COL8A1: variants seen among roughly 807,000 people sequenced by gnomAD.
The protein encoded by COL8A1 is collagen alpha-1(VIII) chain.
A neutral mutation model predicts 42.7 loss-of-function variants in COL8A1; 21 were observed. The ratio of observed to expected loss-of-function variants is 0.49; its 90% confidence interval spans 0.35 to 0.71. COL8A1 has a LOEUF of 0.71. Ranked by LOEUF, COL8A1 falls within the 30% of genes least tolerant of loss-of-function variation. The probability of loss-of-function intolerance (pLI) is 0.01; values close to 1 mark genes in which losing one functional copy is unlikely to be tolerated. For synonymous variants in COL8A1, 367 were observed against 369.1 expected (o/e 0.99, Z 0.06); for missense variants, 788 against 962.4 (o/e 0.82, Z 2.40).
intron 1 of COL8A1, among the ~76,000 whole-genome samples, chr3:99,693,216 C>A (rs1283589332): frequency 6.6e-6 from 1 of 152,002 alleles, no homozygotes; most frequent in South Asian, 2.1e-4. Context: ...ACAAAAGTAT[C>A]GCACATGTAA....
intron 1 of COL8A1, among the ~76,000 whole-genome samples, chr3:99,667,850 T>C (rs1938414257): frequency 6.6e-6 from 1 of 152,092 alleles, no homozygotes; most frequent in South Asian, 2.1e-4. Context: ...AAATAACAAA[T>C]ATTCAGTATC....
chr3:99,777,706 G>A (rs1158336653), intron 2 of COL8A1, among the ~76,000 whole-genome samples: 6 of 152,202 alleles, frequency 3.9e-5, no homozygotes, highest in Non-Finnish European at 2.9e-5. Flanking sequence ...CTCTTGGAGT[G>A]TAACTGTTTC....
chr3:99,647,619 C>T lies in COL8A1; in HGVS notation c.-129+8955C>T, dbSNP rs538945883. On this transcript the variant is annotated intron_variant, in intron 1 of 3. Coordinates refer to ENST00000652472, the MANE Select transcript of COL8A1 (RefSeq NM_020351.4). ...ATAGAGAGAAGCGGCCAACAATGAG[C>T]AATAAGTTCAATAAACAAGGAGCCT... is the stretch of plus-strand genomic sequence containing the variant. Among the ~76,000 whole-genome samples the T allele has an allele frequency of 1.1e-3, 160 of 152,216 alleles. 3 individuals carry two copies. Among genetic ancestry groups the T allele is most frequent in the Middle Eastern group, 0.01 (3 of 294 alleles).
At chr3:99,717,176 T>C (rs1406029838) in intron 1 of COL8A1, among the ~76,000 whole-genome samples, 1 of 152,042 alleles carries the variant, frequency 6.6e-6, no homozygotes, top group Admixed American at 6.6e-5. Context: ...TAGAAGATAA[T>C]ATTTATATGA....
intron 1 of COL8A1, among the ~76,000 whole-genome samples, chr3:99,697,369 G>A (rs995003807): frequency 1.1e-4 from 16 of 152,270 alleles, no homozygotes; most frequent in South Asian, 2.1e-4. Flanking sequence ...TATTAAAGGC[G>A]TAGCTGCTAC....
At chr3:99,663,245 A>G (rs1576419409) in intron 1 of COL8A1, among the ~76,000 whole-genome samples, 1 of 152,166 alleles carries the variant, frequency 6.6e-6, no homozygotes, top group Non-Finnish European at 1.5e-5. Flanking sequence ...AGCTCACTGC[A>G]GCCTCGAACT....
intron 1 of COL8A1, among the ~76,000 whole-genome samples, chr3:99,669,775 A>G (rs1006415626): frequency 1.3e-5 from 2 of 152,062 alleles, no homozygotes; most frequent in Non-Finnish European, 2.9e-5. Flanking sequence ...GCTATGTCAC[A>G]ACCAGAACCT....
chr3:99,733,115 T>C (rs929363496), intron 1 of COL8A1, among the ~76,000 whole-genome samples: 2 of 141,678 alleles, frequency 1.4e-5, no homozygotes, highest in African/African-American at 5.5e-5. Context: ...TCCCAGCTTT[T>C]TTCTTTTTTT....
At chr3:99,764,701 C>CTTTTTTTTTTTTTTTTTTTTTT (rs10648559) in intron 2 of COL8A1, among the ~76,000 whole-genome samples, 2 of 125,052 alleles carry the variant, frequency 1.6e-5, no homozygotes, top group African/African-American at 3.0e-5. Context: ...TCTTTTTTTT[C>CTTTTTTTTTTTTTTTTTTTTTT]TTTTTTTTTT....
rs745820775 is a variant in COL8A1, at chr3:99,795,324, G to T, written c.1423G>T (p.Val475Phe). Residue 475 changes from valine to phenylalanine, a missense_variant, in exon 4 of 4, where the codon GTT becomes TTT. Around this residue, in one of 4 missense-constraint regions of COL8A1, gnomAD observed 154 missense variants for 182.3 expected, o/e 0.84. Coordinates refer to ENST00000652472, the MANE Select transcript of COL8A1 (RefSeq NM_020351.4). ...GQKGVPGLPG[V>F]PGLLGPKGEP... The stretch of plus-strand genomic sequence containing the variant: ...AAAAGGTGTACCAGGACTCCCTGGT[G>T]TTCCAGGGCTTCTCGGACCTAAGGG... 1.9e-6 allele frequency: 3 copies of T among 1,605,064 alleles called. No homozygotes were observed. The highest frequency in any genetic ancestry group is 2.6e-6 in the Non-Finnish European group (3 of 1,175,626).
At chr3:99,776,913 G>A (rs149727389) in intron 2 of COL8A1, among the ~76,000 whole-genome samples, 1 of 152,152 alleles carries the variant, frequency 6.6e-6, no homozygotes, top group Non-Finnish European at 1.5e-5. Flanking sequence ...CATGGTGCTC[G>A]TGGGAGTGTC....
At chr3:99,755,970 C>A (rs1333121739) in intron 2 of COL8A1, among the ~76,000 whole-genome samples, 2 of 151,982 alleles carry the variant, frequency 1.3e-5, no homozygotes, top group Non-Finnish European at 2.9e-5. Context: ...TCTGGTTTCT[C>A]TGAGGAGATT....
rs1942137807 is a variant in COL8A1 at position 99,798,314 on chromosome 3, A to C, written c.*2178A>C. ...CCTCCACAACCTTTGTTTTCAAAGCAGACAGCATCTATGTGGCCAAATATA... is the reference window on the plus strand; with the variant it reads ...CCTCCACAACCTTTGTTTTCAAAGCCGACAGCATCTATGTGGCCAAATATA... On this transcript the variant is annotated 3_prime_UTR_variant, in exon 4 of 4. Coordinates refer to ENST00000652472, the MANE Select transcript of COL8A1 (RefSeq NM_020351.4). 1.3e-5 allele frequency: 2 copies of C among 152,236 alleles called. No homozygotes were observed. Among genetic ancestry groups the C allele is most frequent in the South Asian group, 4.1e-4 (2 of 4,828 alleles). 9.4% of individuals were successfully genotyped at this position (152,236 alleles called of 1,614,324 possible). A position where few individuals can be genotyped will look rare whatever the true frequency, so the allele number is the denominator to read the frequency against.
chr3:99,697,277 C>A (rs11928640), intron 1 of COL8A1, among the ~76,000 whole-genome samples: 12,315 of 152,154 alleles, frequency 0.081, 698 homozygotes, highest in Non-Finnish European at 0.12. Flanking sequence ...TGAGCCACCG[C>A]GCCCGGCACA....
At chr3:99,743,372 T>G (rs1201095180) in intron 1 of COL8A1, among the ~76,000 whole-genome samples, 1 of 152,218 alleles carries the variant, frequency 6.6e-6, no homozygotes, top group Non-Finnish European at 1.5e-5. Flanking sequence ...TGAGCCAAAG[T>G]GCAGGGTGCT....
rs200812293 is a variant in COL8A1, at chr3:99,790,999, A to G, written c.317A>G (p.Lys106Arg). The G allele has an allele frequency of 1.8e-5, 29 of 1,611,314 alleles. No individual in the cohort carries two copies. The Admixed American group carries it at 1.8e-4, about 10-fold the overall frequency. ...APRMGKEAVP[K>R]KGKEIPLASL... ...AGAATGGGCAAGGAAGCCGTACCCA[A>G]GAAAGGCAAAGGTAACATCATACTC... Residue 106 changes from lysine (K) to arginine (R), a missense_variant, in exon 3 of 4, where the codon AAG (lysine) becomes AGG (arginine). Lys to Arg is a conservative substitution (Grantham distance 26). This residue lies in a region of COL8A1 where 421 missense variants were observed against 553.1 expected (regional missense o/e 0.76). Coordinates refer to ENST00000652472, the MANE Select transcript of COL8A1 (RefSeq NM_020351.4).
In COL8A1 at chr3:99,790,702, C is replaced by T. The variant is rs1194836053; in HGVS notation, c.20C>T (p.Pro7Leu). Reference sequence around the variant, plus strand: ...CAGGTGATGGCTGTGCTGCCTGGCCCTCTGCAGCTGCTGGGAGTGCTGCTT... The same window carrying T: ...CAGGTGATGGCTGTGCTGCCTGGCCTTCTGCAGCTGCTGGGAGTGCTGCTT... MAVLPG[P>L]LQLLGVLLTI... is the part of the protein sequence containing the mutation. The change falls in exon 3 of 4, where the codon CCT (proline) becomes CTT (leucine). Residue 7 changes from proline to leucine, a missense_variant. Around this residue, in one of 4 missense-constraint regions of COL8A1, gnomAD observed 421 missense variants for 553.1 expected, o/e 0.76. Coordinates refer to ENST00000652472, the MANE Select transcript of COL8A1 (RefSeq NM_020351.4). 13 of 1,613,978 alleles carry T rather than the reference C, an allele frequency of 8.1e-6. No individual in the cohort carries two copies. The highest frequency in any genetic ancestry group is 1.7e-5 in the Admixed American group (1 of 60,002).
At chr3:99,684,231 T>C (rs557078368) in intron 1 of COL8A1, among the ~76,000 whole-genome samples, 3 of 152,200 alleles carry the variant, frequency 2.0e-5, no homozygotes, top group Non-Finnish European at 4.4e-5. Context: ...AATGAGCTCC[T>C]CCTGGGTGCC....
intron 1 of COL8A1, among the ~76,000 whole-genome samples, chr3:99,650,281 A>C (rs1383269825): frequency 1.3e-5 from 2 of 152,184 alleles, no homozygotes; most frequent in African/African-American, 4.8e-5. Flanking sequence ...CAGTTACTCT[A>C]AATGTCAGTA....
Sources: allele counts gnomAD v4.1 joint callset (sites outside exome capture counted in the v4.1 genomes callset), GRCh38; gene constraint gnomAD v4.1.1; regional missense constraint gnomAD v4.1.1; transcripts MANE v1.5; gene names NCBI Gene and HGNC (gene_info 2026-07-23, HGNC 2026-07-21).